MED21: variants seen among roughly 807,000 people sequenced by gnomAD.
The protein encoded by MED21 is mediator of RNA polymerase II transcription subunit 21.
MED21 carries 9 observed loss-of-function variants against 18.2 expected under a neutral mutation model. That is an observed-to-expected ratio of 0.49 (90% CI 0.30 to 0.86). The LOEUF (loss-of-function observed/expected upper bound fraction) is 0.86. MED21 is among the 40% of genes least tolerant of loss of function. The probability of loss-of-function intolerance (pLI) is 0.07; values close to 1 mark genes in which losing one functional copy is unlikely to be tolerated. For synonymous variants in MED21, 73 were observed against 60.5 expected, an observed-to-expected ratio of 1.21 and a Z score of -0.96; for missense variants, 150 against 170.9, an observed-to-expected ratio of 0.88 and a Z score of 0.68.
Position 27,029,378 on chromosome 12 carries a change from T to C in MED21, c.*917T>C, listed in dbSNP as rs2136489994. The C allele has an allele frequency of 2.0e-6, 2 of 985,426 alleles. No homozygotes were observed. The highest frequency in any genetic ancestry group is 2.4e-6 in the Non-Finnish European group (2 of 829,884). The allele number at this position is 985,426 out of a possible 1,614,324, so 61.0% of individuals were successfully genotyped here. A position where few individuals can be genotyped will look rare whatever the true frequency, so the allele number is the denominator to read the frequency against. ...GTGTCAGCATTTTCAACTATGGTTA[T>C]TCATCCAACCCTTGGATCTCTTTGA... On this transcript the variant is annotated 3_prime_UTR_variant, in exon 4 of 4. Coordinates refer to ENST00000282892, the MANE Select transcript of MED21 (RefSeq NM_004264.5).
chr12:27,031,642 T>C (rs1308857117), downstream of MED21, among the ~76,000 whole-genome samples: 1 of 152,042 alleles, frequency 6.6e-6, no homozygotes, highest in Non-Finnish European at 1.5e-5. Flanking sequence ...GTGTCTCTGC[T>C]ACCACTTCTG....
intron 1 of MED21, among the ~76,000 whole-genome samples, chr12:27,025,076 G>A (rs534952387): frequency 1.3e-5 from 2 of 152,284 alleles, no homozygotes; most frequent in South Asian, 4.1e-4. Flanking sequence ...TTGACTAAAT[G>A]GATCTTAAAA....
chr12:27,031,025 A>C (rs1941614297), downstream of MED21, among the ~76,000 whole-genome samples: 2 of 152,336 alleles, frequency 1.3e-5, no homozygotes, highest in African/African-American at 4.8e-5. Flanking sequence ...CTCCTGCCTC[A>C]GCCTCCCGAA....
intron 3 of MED21, among the ~76,000 whole-genome samples, chr12:27,027,934 T>TA (rs1941566373): frequency 6.6e-6 from 1 of 152,228 alleles, no homozygotes. Context: ...CACCTTTTGT[T>TA]ATAATATTCA....
At position 27,028,478 on chromosome 12, in the gene MED21, G is replaced by A. The variant is rs765012162; in HGVS notation, c.*17G>A. The A allele has an allele frequency of 3.1e-6, 5 of 1,605,410 alleles. No homozygotes were observed. The highest frequency in any genetic ancestry group is 4.3e-6 in the Non-Finnish European group (5 of 1,174,438). ...GACTCATAGCATCAGTGGATACCAT[G>A]TGGCTGAGAAAAGAACTGTTTGAGT... On this transcript the variant is annotated 3_prime_UTR_variant, in exon 4 of 4. Transcript: ENST00000282892.
chr12:27,023,349 G>C (rs542499737), intron 1 of MED21, among the ~76,000 whole-genome samples: 1 of 139,238 alleles, frequency 7.2e-6, no homozygotes, highest in Middle Eastern at 4.1e-3. Context: ...GCCCAGGCTG[G>C]AGTGCAGTGG....
Position 27,028,664 on chromosome 12 carries a change from A to G in MED21, c.*203A>G, listed in dbSNP as rs2038916313. Reference sequence around the variant, plus strand: ...ATGATTGAATCAGCTTTAAAGCATCATACCATCATTTTTTAACTGAGTGAA... The same window carrying G: ...ATGATTGAATCAGCTTTAAAGCATCGTACCATCATTTTTTAACTGAGTGAA... On this transcript the variant is annotated 3_prime_UTR_variant, in exon 4 of 4. Transcript: ENST00000282892. 5.7e-6 allele frequency: 7 copies of G among 1,238,516 alleles called. No individual in the cohort carries two copies. The South Asian group carries it at 1.7e-4, about 30-fold the overall frequency. The allele number at this position is 1,238,516 out of a possible 1,614,324, so 76.7% of individuals were successfully genotyped here.
intron 3 of MED21, 75 bp downstream of exon 3, chr12:27,027,522 T>C: frequency 9.6e-7 from 1 of 1,043,532 alleles, no homozygotes. Context: ...TTAGTACCTT[T>C]TGTCTGTGTC....
intron 3 of MED21, 33 bp from the exon 4 acceptor site, chr12:27,028,252 C>A: frequency 6.4e-7 from 1 of 1,558,306 alleles, no homozygotes; most frequent in South Asian, 1.2e-5. Context: ...TCTTTCTAAA[C>A]TCTAAAGATT....
In MED21 at chr12:27,028,718, A is replaced by G. The variant is rs1941577719; in HGVS notation, c.*257A>G. On this transcript the variant is annotated 3_prime_UTR_variant, in exon 4 of 4. Coordinates refer to ENST00000282892, the MANE Select transcript of MED21 (RefSeq NM_004264.5). ...ATTAAGGCATGTAATACATTAATGA[A>G]CATAATATAAGGAAACATATGTAAA... The G allele has an allele frequency of 4.5e-6, 5 of 1,116,772 alleles. No homozygotes were observed. The highest frequency in any genetic ancestry group is 1.6e-5 in the African/African-American group (1 of 62,172). The allele number at this position is 1,116,772 out of a possible 1,614,324, so 69.2% of individuals were successfully genotyped here. A position where few individuals can be genotyped will look rare whatever the true frequency, so the allele number is the denominator to read the frequency against.
At chr12:27,028,090 A>G (rs549877952) in intron 3 of MED21, among the ~76,000 whole-genome samples, 195 bp from the exon 4 acceptor site, 1 of 152,344 alleles carries the variant, frequency 6.6e-6, no homozygotes, top group South Asian at 2.1e-4. Flanking sequence ...AGATATCTAG[A>G]GATCTCTAAT....
At chr12:27,027,923 G>T (rs1441796785) in intron 3 of MED21, among the ~76,000 whole-genome samples, 2 of 152,150 alleles carry the variant, frequency 1.3e-5, no homozygotes, top group Non-Finnish European at 2.9e-5. Flanking sequence ...TCAAATCATA[G>T]CACCTTTTGT....
At chr12:27,026,080 A>G (rs1447542737) in intron 1 of MED21, among the ~76,000 whole-genome samples, 1 of 152,256 alleles carries the variant, frequency 6.6e-6, no homozygotes, top group East Asian at 1.9e-4. Context: ...TATCCCCAAA[A>G]AGTCTTTACT....
rs745711063 is a variant in MED21, at chr12:27,026,483, A to G, written c.106A>G (p.Asn36Asp). The stretch of plus-strand genomic sequence containing the variant: ...GCAATGTGGTCCTCCTGCCTCTTTC[A>G]ATAATATTCAGACAGCAATTAACAA... ...LQQCGPPASF[N>D]NIQTAINKDQ... Residue 36 changes from asparagine (N) to aspartate (D), a missense_variant, in exon 2 of 4, where the codon AAT becomes GAT. Physicochemically the swap from Asn to Asp is conservative, Grantham distance 23. Transcript: ENST00000282892. 6.2e-7 allele frequency: 1 copy of G among 1,613,962 alleles called. No homozygotes were observed. Among genetic ancestry groups the G allele is most frequent in the Non-Finnish European group, 8.5e-7 (1 of 1,179,936 alleles).
rs9669594 is a variant in MED21, at chr12:27,036,578, C to T, written n.146+9131C>T. Among the ~76,000 whole-genome samples, 11 of 152,170 alleles carry T rather than the reference C, an allele frequency of 7.2e-5. No homozygotes were observed. In the East Asian group the frequency reaches 9.6e-4, roughly 13 times the overall value. On this transcript the variant is annotated intron_variant and non_coding_transcript_variant, in intron 2 of 4. Transcript: ENST00000538186. Reference sequence around the variant, plus strand: ...AGGGTTTTTATGGTTTTAGGTCTAACGTTTAAGTCTTTAATCCATCTTGAA... The same window carrying T: ...AGGGTTTTTATGGTTTTAGGTCTAATGTTTAAGTCTTTAATCCATCTTGAA...
chr12:27,029,533 T>G lies in MED21; in HGVS notation c.*1072T>G, dbSNP rs1482400948. The G allele has an allele frequency of 1.7e-5, 17 of 985,290 alleles. No individual in the cohort carries two copies. The highest frequency in any genetic ancestry group is 2.0e-5 in the Non-Finnish European group (17 of 829,940). 61.0% of individuals were successfully genotyped at this position (985,290 alleles called of 1,614,324 possible). On this transcript the variant is annotated 3_prime_UTR_variant, in exon 4 of 4. Transcript: ENST00000282892. ...GCTGCAATCTGTTGCTATTCAGAGT[T>G]TAAGTTTCAGGAGAAAACAGGAACA...
chr12:27,033,920 G>C (rs554309633), downstream of MED21, among the ~76,000 whole-genome samples: 2 of 152,014 alleles, frequency 1.3e-5, no homozygotes, highest in African/African-American at 4.8e-5. Flanking sequence ...AACAAGCTAA[G>C]TATCTAACTG....
chr12:27,028,649 C>A lies in MED21; in HGVS notation c.*188C>A, dbSNP rs1237626264. Reference sequence around the variant, plus strand: ...TAAGCTTATAAAATCATGATTGAATCAGCTTTAAAGCATCATACCATCATT... The same window carrying A: ...TAAGCTTATAAAATCATGATTGAATAAGCTTTAAAGCATCATACCATCATT... On this transcript the variant is annotated 3_prime_UTR_variant, in exon 4 of 4. Transcript: ENST00000282892. 1 of 1,275,606 alleles carries A rather than the reference C, an allele frequency of 7.8e-7. No individual in the cohort carries two copies. The highest frequency in any genetic ancestry group is 9.9e-7 in the Non-Finnish European group (1 of 1,007,580). 79.0% of individuals were successfully genotyped at this position (1,275,606 alleles called of 1,614,324 possible).
intron 2 of MED21, chr12:27,038,445 GAGTC>G (rs1359076563): frequency 1.3e-5 from 2 of 152,116 alleles, no homozygotes; most frequent in Middle Eastern, 3.2e-3. Context: ...TTATGGAACA[GAGTC>G]AGTATTATAA....
Sources: gnomAD v4.1 joint callset for allele counts (sites outside exome capture counted in the v4.1 genomes callset) on GRCh38, gnomAD v4.1.1 for gene constraint, MANE v1.5 for transcripts, NCBI Gene and HGNC (gene_info 2026-07-23, HGNC 2026-07-21) for gene names.